SLC24A2: variants seen among roughly 807,000 people sequenced by gnomAD.
The protein encoded by SLC24A2 is solute carrier family 24 member 2, also known as sodium/potassium/calcium exchanger 2.
In SLC24A2, 36 loss-of-function variants were observed where a neutral mutation model predicts 62.0. That is an observed-to-expected ratio of 0.58 (90% CI 0.44 to 0.77). The LOEUF (loss-of-function observed/expected upper bound fraction) is 0.77, where lower values mean the gene tolerates loss of function less well. SLC24A2 is among the 30% of genes least tolerant of loss of function. The probability of loss-of-function intolerance (pLI) is 0.00; values close to 1 mark genes in which losing one functional copy is unlikely to be tolerated. For missense variants in SLC24A2, 846 were observed against 817.9 expected (o/e 1.03, Z -0.42); for synonymous variants, 358 against 294.0 (o/e 1.22, Z -2.23).
intron 8 of SLC24A2, among the ~76,000 whole-genome samples, chr9:19,545,476 G>A (rs1834509518): frequency 6.6e-6 from 1 of 151,996 alleles, no homozygotes; most frequent in Admixed American, 6.6e-5. Context: ...CATTGCTGGT[G>A]AGGAGTTGTC....
chr9:20,173,433 T>C, the SLC24A2 span, among the ~76,000 whole-genome samples: 6 of 151,958 alleles, frequency 3.9e-5, no homozygotes, highest in African/African-American at 1.4e-4. Flanking sequence ...TAGAAAACCC[T>C]AAAGACTCCT....
the SLC24A2 span, among the ~76,000 whole-genome samples, chr9:20,189,508 A>G: frequency 2.0e-5 from 3 of 152,320 alleles, no homozygotes; most frequent in African/African-American, 7.2e-5. Context: ...AATCTTAAAG[A>G]AAGAAAGTGT....
Position 19,515,527 on chromosome 9 carries a change from A to C in SLC24A2, c.*626T>G. On this transcript the variant is annotated 3_prime_UTR_variant, in exon 11 of 11. Transcript: ENST00000341998. ...ATCACAGCAAGTCCAAGGTAGGCTG[A>C]AGGTCACAGCAATGCTACCTTTGTC... 1 of 152,224 alleles carries C rather than the reference A, an allele frequency of 6.6e-6. No individual in the cohort carries two copies. 9.4% of individuals were successfully genotyped at this position (152,224 alleles called of 1,614,324 possible). A position where few individuals can be genotyped will look rare whatever the true frequency, so the allele number is the denominator to read the frequency against.
the SLC24A2 span, chr9:19,926,099 C>G: frequency 1.3e-5 from 2 of 152,158 alleles, no homozygotes; most frequent in Admixed American, 6.5e-5. Context: ...CATAAGGTAG[C>G]GATCTCACCG....
the SLC24A2 span, among the ~76,000 whole-genome samples, chr9:19,947,418 G>A: frequency 1.3e-5 from 2 of 149,554 alleles, no homozygotes; most frequent in South Asian, 2.1e-4. Flanking sequence ...GAAGGAGGAA[G>A]GAAGGAAGGA....
chr9:19,683,071 A>T (rs1447549716), intron 2 of SLC24A2, among the ~76,000 whole-genome samples: 1 of 152,124 alleles, frequency 6.6e-6, no homozygotes, highest in African/African-American at 2.4e-5. Context: ...CATAATGCTG[A>T]TGCAAAATTT....
the SLC24A2 span, among the ~76,000 whole-genome samples, chr9:20,122,513 C>T: frequency 1.3e-5 from 2 of 152,122 alleles, no homozygotes; most frequent in Non-Finnish European, 2.9e-5. Context: ...ACGGTGAAAC[C>T]CTGTCTCTAC....
chr9:20,229,100 A>G, the SLC24A2 span, among the ~76,000 whole-genome samples: 2 of 152,128 alleles, frequency 1.3e-5, no homozygotes, highest in East Asian at 3.9e-4. Context: ...TGAGGGGAGT[A>G]CATACAATCC....
At chr9:20,011,354 T>C in the SLC24A2 span, among the ~76,000 whole-genome samples, 5 of 152,190 alleles carry the variant, frequency 3.3e-5, no homozygotes, top group Admixed American at 2.0e-4. Flanking sequence ...ATTTCTCTGA[T>C]GGCCAGTGAT....
the SLC24A2 span, among the ~76,000 whole-genome samples, chr9:19,925,162 C>A: frequency 1.5e-4 from 23 of 152,196 alleles, no homozygotes; most frequent in African/African-American, 5.3e-4. Context: ...GTAGAACAAA[C>A]AAACATCAGA....
At chr9:19,762,239 T>C (rs1390518349) in intron 2 of SLC24A2, among the ~76,000 whole-genome samples, 1 of 152,222 alleles carries the variant, frequency 6.6e-6, no homozygotes. Context: ...TGGCAAACAT[T>C]TTCTCCCATT....
At chr9:20,288,049 C>CAT in the SLC24A2 span, among the ~76,000 whole-genome samples, 2 of 151,934 alleles carry the variant, frequency 1.3e-5, no homozygotes, top group African/African-American at 4.8e-5. Flanking sequence ...AAAACACACA[C>CAT]ACACACATTA....
intron 2 of SLC24A2, among the ~76,000 whole-genome samples, chr9:19,695,622 G>C (rs1820166153): frequency 7.9e-6 from 1 of 127,080 alleles, no homozygotes. Context: ...AGAAATTCTT[G>C]TACATGTCAC....
chr9:20,257,389 C>T, the SLC24A2 span, among the ~76,000 whole-genome samples: 1 of 152,170 alleles, frequency 6.6e-6, no homozygotes, highest in Admixed American at 6.6e-5. Flanking sequence ...AATTGTAAGT[C>T]CTGGTGCCCT....
At chr9:19,882,034 T>G in the SLC24A2 span, among the ~76,000 whole-genome samples, 1 of 152,252 alleles carries the variant, frequency 6.6e-6, no homozygotes, top group East Asian at 1.9e-4. Context: ...TGATGGTGTT[T>G]ATAATTTTTA....
the SLC24A2 span, among the ~76,000 whole-genome samples, chr9:20,245,505 G>C: frequency 6.6e-6 from 1 of 152,194 alleles, no homozygotes; most frequent in Non-Finnish European, 1.5e-5. Flanking sequence ...TGATGGAATG[G>C]AAGTGTGGGT....
chr9:19,993,163 A>G, the SLC24A2 span, among the ~76,000 whole-genome samples: 1 of 152,236 alleles, frequency 6.6e-6, no homozygotes, highest in African/African-American at 2.4e-5. Flanking sequence ...CCAAGATCAC[A>G]GAGCCTCACA....
chr9:20,168,391 A>G, the SLC24A2 span, among the ~76,000 whole-genome samples: 1 of 152,010 alleles, frequency 6.6e-6, no homozygotes, highest in Non-Finnish European at 1.5e-5. Flanking sequence ...AACTTCATCA[A>G]ATTATCAGTT....
At chr9:19,864,418 A>G in the SLC24A2 span, among the ~76,000 whole-genome samples, 1 of 151,980 alleles carries the variant, frequency 6.6e-6, no homozygotes, top group Non-Finnish European at 1.5e-5. Flanking sequence ...AGGTCAATGT[A>G]CCTGACGAAT....
Sources: allele counts gnomAD v4.1 joint callset (sites outside exome capture counted in the v4.1 genomes callset), GRCh38; gene constraint gnomAD v4.1.1; transcripts MANE v1.5; gene names NCBI Gene and HGNC (gene_info 2026-07-23, HGNC 2026-07-21).